GABRB1: variants seen among roughly 807,000 people sequenced by gnomAD.
The protein encoded by GABRB1 is gamma-aminobutyric acid type A receptor subunit beta1, also known as gamma-aminobutyric acid receptor subunit beta-1.
A neutral mutation model predicts 51.6 loss-of-function variants in GABRB1; 17 were observed. The ratio of observed to expected loss-of-function variants is 0.33; its 90% CI spans 0.23 to 0.49. The LOEUF (loss-of-function observed/expected upper bound fraction) is 0.49, where lower values mean the gene tolerates loss of function less well. Among genes scored for constraint, GABRB1 ranks in the 20% least tolerant of loss-of-function variants. The pLI is 0.99. For missense variants in GABRB1, 410 were observed against 600.6 expected (o/e 0.68, Z 3.32); for synonymous variants, 247 against 218.9 (o/e 1.13, Z -1.14).
intron 7 of GABRB1, among the ~76,000 whole-genome samples, chr4:47,405,209 A>G (rs1445410706): frequency 6.6e-6 from 1 of 152,186 alleles, no homozygotes; most frequent in South Asian, 2.1e-4. Flanking sequence ...TCAGTCCAGC[A>G]CATTAGAATT....
intron 5 of GABRB1, among the ~76,000 whole-genome samples, chr4:47,352,623 A>C (rs1437032309): frequency 1.3e-5 from 2 of 152,216 alleles, no homozygotes; most frequent in African/African-American, 4.8e-5. Context: ...TACGCAAATC[A>C]ATAAATGTAA....
chr4:47,362,291 T>A (rs1459132865), intron 5 of GABRB1, among the ~76,000 whole-genome samples: 1 of 151,538 alleles, frequency 6.6e-6, no homozygotes, highest in Non-Finnish European at 1.5e-5. Flanking sequence ...GAAGTCAGAG[T>A]GGAGTAAGGT....
chr4:47,086,101 A>G (rs907167425), intron 3 of GABRB1, among the ~76,000 whole-genome samples: 1 of 152,234 alleles, frequency 6.6e-6, no homozygotes, highest in Non-Finnish European at 1.5e-5. Flanking sequence ...TTTTATCCTC[A>G]TGGGTTTAAC....
intron 1 of GABRB1, among the ~76,000 whole-genome samples, chr4:47,013,296 A>T (rs1724636275): frequency 6.6e-6 from 1 of 152,208 alleles, no homozygotes; most frequent in South Asian, 2.1e-4. Context: ...TTTTAGAAAT[A>T]AGCTGGGTGC....
At chr4:47,157,371 G>A (rs1410435254) in intron 3 of GABRB1, among the ~76,000 whole-genome samples, 1 of 152,072 alleles carries the variant, frequency 6.6e-6, no homozygotes, top group African/African-American at 2.4e-5. Context: ...TGTTGTGTAA[G>A]AGAACAAAAA....
chr4:47,228,337 T>C (rs981435920), intron 4 of GABRB1, among the ~76,000 whole-genome samples: 8 of 152,070 alleles, frequency 5.3e-5, no homozygotes, highest in Non-Finnish European at 8.8e-5. Context: ...AGGCATAAGA[T>C]AGACATTCTT....
chr4:47,305,189 A>C (rs1724420602), intron 4 of GABRB1, among the ~76,000 whole-genome samples: 1 of 152,134 alleles, frequency 6.6e-6, no homozygotes, highest in Non-Finnish European at 1.5e-5. Context: ...CAGGGTGTCT[A>C]AAATTTAACA....
chr4:47,149,275 G>T (rs558910914), intron 3 of GABRB1, among the ~76,000 whole-genome samples: 2 of 152,070 alleles, frequency 1.3e-5, no homozygotes, highest in Admixed American at 6.6e-5. Context: ...GAATGAAAAT[G>T]TGTATTATTA....
chr4:47,411,401 G>A (rs538254195), intron 8 of GABRB1, among the ~76,000 whole-genome samples: 3 of 152,218 alleles, frequency 2.0e-5, no homozygotes, highest in Admixed American at 1.3e-4. Context: ...GTATTAAAAG[G>A]TTATAATACT....
chr4:47,080,070 A>C (rs950548731), intron 3 of GABRB1, among the ~76,000 whole-genome samples: 2 of 152,166 alleles, frequency 1.3e-5, no homozygotes, highest in East Asian at 3.9e-4. Context: ...ATTTCAAGCA[A>C]TACAGAATGA....
chr4:47,010,889 A>G (rs905155101), intron 1 of GABRB1, among the ~76,000 whole-genome samples: 3 of 152,252 alleles, frequency 2.0e-5, no homozygotes, highest in Non-Finnish European at 4.4e-5. Context: ...CTCCTGGAAC[A>G]TAGTTAGCAC....
At chr4:47,087,555 T>A (rs1330517373) in intron 3 of GABRB1, among the ~76,000 whole-genome samples, 3 of 151,578 alleles carry the variant, frequency 2.0e-5, no homozygotes, top group Non-Finnish European at 2.9e-5. Context: ...TTTTTTTTTT[T>A]ATTATACTTT....
chr4:47,425,654 C>A lies in GABRB1; in HGVS notation c.1081-20C>A. 1.3e-6 allele frequency: 2 copies of A among 1,565,674 alleles called. No individual in the cohort carries two copies. Among genetic ancestry groups the A allele is most frequent in the Non-Finnish European group, 1.7e-6 (2 of 1,152,664 alleles). On this transcript the variant is annotated intron_variant, in intron 8 of 8. Transcript: ENST00000295454. The stretch of plus-strand genomic sequence containing the variant: ...AAAGGTCCTGCAACTTGTGTCCGAG[C>A]CTGTTCTTTTTGCCATCAGGTCGAC...
intron 4 of GABRB1, among the ~76,000 whole-genome samples, chr4:47,292,119 G>T (rs868822957): frequency 3.3e-5 from 5 of 152,176 alleles, no homozygotes; most frequent in South Asian, 2.1e-4. Flanking sequence ...TTGAATCATG[G>T]GGGCAGGTCT....
intron 5 of GABRB1, among the ~76,000 whole-genome samples, chr4:47,322,407 G>A (rs76583550): frequency 1.1e-3 from 166 of 152,322 alleles, no homozygotes; most frequent in Non-Finnish European, 2.2e-3. Flanking sequence ...ACTCTTGACT[G>A]TAAGAATTTG....
chr4:47,140,093 AACACACACACACAC>A (rs67749563), intron 3 of GABRB1, among the ~76,000 whole-genome samples: 120 of 135,402 alleles, frequency 8.9e-4, no homozygotes, highest in African/African-American at 1.4e-3. Context: ...AAATTAAATT[AACACACACACACAC>A]ACACACACAC....
At chr4:47,005,334 C>T (rs1003670132) in intron 1 of GABRB1, among the ~76,000 whole-genome samples, 2 of 152,140 alleles carry the variant, frequency 1.3e-5, no homozygotes, top group South Asian at 2.1e-4. Flanking sequence ...AGGAGAATGG[C>T]GTGAACCCGA....
chr4:47,272,867 A>G (rs1021524348), intron 4 of GABRB1, among the ~76,000 whole-genome samples: 3 of 152,142 alleles, frequency 2.0e-5, no homozygotes, highest in Non-Finnish European at 4.4e-5. Context: ...TTCTGACGAA[A>G]CCTGAGTTTA....
intron 4 of GABRB1, among the ~76,000 whole-genome samples, chr4:47,273,121 A>C (rs1722939682): frequency 6.6e-6 from 1 of 152,196 alleles, no homozygotes; most frequent in African/African-American, 2.4e-5. Flanking sequence ...CGTTGGCTTT[A>C]AAAAGCCTTA....
Sources: allele counts gnomAD v4.1 joint callset (sites outside exome capture counted in the v4.1 genomes callset), GRCh38; gene constraint gnomAD v4.1.1; transcripts MANE v1.5; gene names NCBI Gene and HGNC (gene_info 2026-07-23, HGNC 2026-07-21).